The following CEP152 variants were observed in gnomAD, a reference collection of about 807,000 sequenced individuals.
CEP152 encodes the protein centrosomal protein of 152 kDa.
A neutral mutation model predicts 188.9 loss-of-function variants in CEP152; 132 were observed. That is an observed-to-expected ratio of 0.70 (90% CI 0.61 to 0.81). CEP152 has a LOEUF of 0.81. Ranked by LOEUF, CEP152 falls within the 30% of genes least tolerant of loss-of-function variation. The probability of loss-of-function intolerance (pLI) is 0.00; values close to 1 mark genes in which losing one functional copy is unlikely to be tolerated. For synonymous variants in CEP152, 649 were observed against 666.6 expected (o/e 0.97, Z 0.41); for missense variants, 1,914 against 1,969.8 (o/e 0.97, Z 0.54).
chr15:48,791,457 T>C (rs1896983606), intron 7 of CEP152, 81 bp from the exon 8 acceptor site: 4 of 1,194,808 alleles, frequency 3.3e-6, no homozygotes, highest in Non-Finnish European at 4.9e-6. Context: ...ATGTCACGTC[T>C]GTATCATATA....
intron 6 of CEP152, among the ~76,000 whole-genome samples, chr15:48,794,858 T>C (rs1897194614): frequency 6.6e-6 from 1 of 152,222 alleles, no homozygotes; most frequent in Non-Finnish European, 1.5e-5. Flanking sequence ...TCCTCATATT[T>C]GCTGTTGACT....
chr15:48,762,357 C>T (rs769959779), intron 18 of CEP152, 34 bp downstream of exon 18: 2 of 1,580,634 alleles, frequency 1.3e-6, no homozygotes, highest in East Asian at 4.5e-5. Flanking sequence ...ACAGGCAGTT[C>T]CAATAAATTT....
intron 12 of CEP152, among the ~76,000 whole-genome samples, chr15:48,777,905 T>G (rs1896022662): frequency 6.6e-6 from 1 of 152,164 alleles, no homozygotes; most frequent in African/African-American, 2.4e-5. Flanking sequence ...TAATTTTCTC[T>G]TCTTTCCTCA....
chr15:48,736,589 A>G (rs1892610882), downstream of CEP152, among the ~76,000 whole-genome samples: 1 of 152,180 alleles, frequency 6.6e-6, no homozygotes, highest in Non-Finnish European at 1.5e-5. Context: ...GGATACCTTC[A>G]TATTTATCAT....
At chr15:48,772,844 A>G (rs1242713957) in intron 12 of CEP152, among the ~76,000 whole-genome samples, 153 bp from the exon 13 acceptor site, 1 of 152,216 alleles carries the variant, frequency 6.6e-6, no homozygotes, top group Admixed American at 6.5e-5. Flanking sequence ...TGTCATACAC[A>G]AGGATTATCA....
chr15:48,756,787 ATATAAT>A (rs1894312373), intron 19 of CEP152, among the ~76,000 whole-genome samples: 1 of 152,174 alleles, frequency 6.6e-6, no homozygotes, highest in African/African-American at 2.4e-5. Context: ...ACACTCACAC[ATATAAT>A]TATATAATTA....
intron 2 of CEP152, among the ~76,000 whole-genome samples, chr15:48,730,500 C>T (rs1223501287): frequency 2.0e-5 from 3 of 152,074 alleles, no homozygotes; most frequent in Admixed American, 2.0e-4. Flanking sequence ...CCTAAGAAAG[C>T]CCATGCTCAC....
chr15:48,783,038 AC>A (rs1177675758), intron 10 of CEP152, among the ~76,000 whole-genome samples: 2 of 152,142 alleles, frequency 1.3e-5, no homozygotes, highest in African/African-American at 2.4e-5. Context: ...TGAATAGCCC[AC>A]CCTTTCACAT....
chr15:48,738,018 G>A lies in CEP152; in HGVS notation c.*231C>T, dbSNP rs531587783. On this transcript the variant is annotated 3_prime_UTR_variant, in exon 27 of 27. Transcript: ENST00000380950. ...TATAAGTATAAAAATAGATGGTTTA[G>A]AAACCAAAAATAAGCACCACACAAA... 3.1e-4 allele frequency: 155 copies of A among 492,708 alleles called. 2 individuals are homozygous for A. The South Asian group carries it at 3.8e-3, about 12-fold the overall frequency. 30.5% of individuals were successfully genotyped at this position (492,708 alleles called of 1,614,324 possible).
At chr15:48,733,652 C>G (rs952550493), downstream of CEP152, among the ~76,000 whole-genome samples, 3 of 152,058 alleles carry the variant, frequency 2.0e-5, no homozygotes, top group African/African-American at 7.2e-5. Flanking sequence ...AAGGATAAAT[C>G]TAGAAATCCT....
intron 26 of CEP152, 136 bp downstream of exon 26, chr15:48,741,465 C>G (rs2140562294): frequency 1.3e-6 from 2 of 1,547,448 alleles, no homozygotes; most frequent in Non-Finnish European, 1.7e-6. Context: ...GCGTAAACTT[C>G]TAGTTTAAGT....
intron 8 of CEP152, among the ~76,000 whole-genome samples, chr15:48,789,958 A>AACTAATACAC (rs1896900368): frequency 6.6e-6 from 1 of 152,220 alleles, no homozygotes; most frequent in African/African-American, 2.4e-5. Context: ...AGCAATAGGA[A>AACTAATACAC]ACTAATACAC....
At chr15:48,785,562 A>T (rs1050163294) in intron 9 of CEP152, among the ~76,000 whole-genome samples, 2 of 152,210 alleles carry the variant, frequency 1.3e-5, no homozygotes, top group South Asian at 4.1e-4. Context: ...AATAGTGTTA[A>T]CAAGGGACTG....
chr15:48,744,694 T>C (rs957454667), intron 23 of CEP152, among the ~76,000 whole-genome samples: 1 of 152,140 alleles, frequency 6.6e-6, no homozygotes, highest in Admixed American at 6.5e-5. Flanking sequence ...ACATTGTGCA[T>C]GTGGAGTATG....
chr15:48,776,656 T>A (rs1051654568), intron 12 of CEP152, among the ~76,000 whole-genome samples: 1 of 152,106 alleles, frequency 6.6e-6, no homozygotes, highest in Non-Finnish European at 1.5e-5. Flanking sequence ...CTAAAAGTAA[T>A]CTATAAAAAT....
Position 48,772,694 on chromosome 15 carries a change from A to G in CEP152, c.1578-3T>C, listed in dbSNP as rs1225336674. On this transcript the variant is annotated splice_polypyrimidine_tract_variant and splice_region_variant and intron_variant, in intron 12 of 26. Transcript: ENST00000380950. ...TTGGGTCTTCTTCTTGTACAATGCT[A>G]ATGGAGAAATTGTGATTTTTAACAT... is the stretch of plus-strand genomic sequence containing the variant. The G allele has an allele frequency of 6.2e-7, 1 of 1,611,716 alleles. No homozygotes were observed. Among genetic ancestry groups the G allele is most frequent in the South Asian group, 1.1e-5 (1 of 91,054 alleles).
At chr15:48,729,150 G>A (rs1892342108) in intron 2 of CEP152, 1 of 152,164 alleles carries the variant, frequency 6.6e-6, no homozygotes, top group Admixed American at 6.5e-5. Flanking sequence ...TCGAAGAAAA[G>A]TGGTAAGTCC....
chr15:48,788,326 C>CTTTTT (rs538514112), intron 9 of CEP152, among the ~76,000 whole-genome samples: 4 of 97,060 alleles, frequency 4.1e-5, no homozygotes, highest in African/African-American at 3.8e-5. Flanking sequence ...TCACTGGCTT[C>CTTTTT]TTTTTTTTTT....
intron 20 of CEP152, among the ~76,000 whole-genome samples, chr15:48,755,581 G>C (rs1894194721): frequency 1.3e-5 from 2 of 152,112 alleles, no homozygotes; most frequent in South Asian, 2.1e-4. Flanking sequence ...CATGTGCCAT[G>C]GTGGTTTGCT....
Sources: allele counts gnomAD v4.1 joint callset (sites outside exome capture counted in the v4.1 genomes callset), GRCh38; gene constraint gnomAD v4.1.1; transcripts MANE v1.5; gene names NCBI Gene and HGNC (gene_info 2026-07-23, HGNC 2026-07-21).